Variants in RTN1 observed in about 807,000 individuals in gnomAD.
RTN1 encodes the protein reticulon 1.
RTN1 carries 25 observed loss-of-function variants against 65.5 expected under a neutral mutation model. The observed-to-expected ratio is 0.38, with a 90% CI of 0.28 to 0.53. RTN1 has a LOEUF of 0.53. Ranked by LOEUF, RTN1 falls within the 20% of genes least tolerant of loss-of-function variation. RTN1 has a pLI of 0.79. For synonymous variants in RTN1, 471 were observed against 447.6 expected, an observed-to-expected ratio of 1.05 and a Z score of -0.66; for missense variants, 983 against 1,025.4, an observed-to-expected ratio of 0.96 and a Z score of 0.57.
intron 3 of RTN1, among the ~76,000 whole-genome samples, chr14:59,611,407 G>T (rs1881945207): frequency 6.6e-6 from 1 of 152,366 alleles, no homozygotes; most frequent in South Asian, 2.1e-4. Context: ...GTCCTGGGGA[G>T]ATGTCCTTTA....
In RTN1 at chr14:59,794,007, A is replaced by G. The variant is rs1000681776; in HGVS notation, c.242-47526T>C. On this transcript the variant is annotated intron_variant, in intron 1 of 8. Transcript: ENST00000267484. The surrounding 1 kb of genome is among the most constrained non-coding windows in gnomAD (Gnocchi z 5.1). The stretch of plus-strand genomic sequence containing the variant: ...ATTGTCTGGATGCCTCCTAGCACCC[A>G]TTACACTCCTCTCCCACTGAGTACC... Among the ~76,000 whole-genome samples, 4 of 152,050 alleles carry G rather than the reference A, an allele frequency of 2.6e-5. No homozygotes were observed. The highest frequency in any genetic ancestry group is 4.4e-5 in the Non-Finnish European group (3 of 68,010).
intron 1 of RTN1, among the ~76,000 whole-genome samples, chr14:59,862,893 C>A (rs943609716): frequency 1.3e-5 from 2 of 152,170 alleles, no homozygotes; most frequent in African/African-American, 4.8e-5. Flanking sequence ...CTCCTGCCTT[C>A]ACTCTGTTGA....
At chr14:59,807,886 ACC>A (rs1471402078) in intron 1 of RTN1, among the ~76,000 whole-genome samples, 2 of 152,168 alleles carry the variant, frequency 1.3e-5, no homozygotes, top group Non-Finnish European at 2.9e-5. Flanking sequence ...TTTCATTTAA[ACC>A]CTGTGGGTCC....
In RTN1 at chr14:59,727,855, A is replaced by G; in HGVS notation, c.1016-187T>C. 1.3e-6 allele frequency: 1 copy of G among 769,552 alleles called. No homozygotes were observed. The highest frequency in any genetic ancestry group is 2.0e-6 in the Non-Finnish European group (1 of 512,248). The allele number at this position is 769,552 out of a possible 1,614,324, so 47.7% of individuals were successfully genotyped here. The stretch of plus-strand genomic sequence containing the variant: ...TATGCTGGAAAGACAGGCCACCTGA[A>G]CTAAAAGGCTAATTACTGTTATGGC... On this transcript the variant is annotated intron_variant, in intron 2 of 8. Transcript: ENST00000267484. This position sits in a 1 kb window ranked among gnomAD's most constrained non-coding sequence, Gnocchi z 4.2.
intron 3 of RTN1, among the ~76,000 whole-genome samples, chr14:59,717,289 G>A (rs565054181): frequency 1.3e-5 from 2 of 152,190 alleles, no homozygotes; most frequent in African/African-American, 4.8e-5. Flanking sequence ...GTAAGAAAAT[G>A]AAGTGCCTGC....
rs192054726 is a variant in RTN1 at position 59,604,049 on chromosome 14, G to A, written c.2113-128C>T. On this transcript the variant is annotated intron_variant, in intron 5 of 8. Transcript: ENST00000267484. ...TCATGATTTCGATAGTCAATGAAAG[G>A]CGTTGAAAGCTCATCACAGAATCAA... 4 of 582,756 alleles carry A rather than the reference G, an allele frequency of 6.9e-6. No homozygotes were observed. In the East Asian group the frequency reaches 1.3e-4, roughly 19 times the overall value. 36.1% of individuals were successfully genotyped at this position (582,756 alleles called of 1,614,324 possible).
chr14:59,804,428 C>T (rs1302043074), intron 1 of RTN1, among the ~76,000 whole-genome samples: 1 of 152,150 alleles, frequency 6.6e-6, no homozygotes. Context: ...TTCACTGCAA[C>T]ATTACTGATA....
At chr14:59,780,217 C>T (rs1399074111) in intron 1 of RTN1, among the ~76,000 whole-genome samples, 5 of 152,110 alleles carry the variant, frequency 3.3e-5, no homozygotes, top group African/African-American at 7.2e-5. Context: ...GACATATTTT[C>T]GGTGCCACAA....
chr14:59,667,231 T>C (rs1054787626), intron 3 of RTN1, among the ~76,000 whole-genome samples: 1 of 152,066 alleles, frequency 6.6e-6, no homozygotes, highest in Non-Finnish European at 1.5e-5. Context: ...GCAAACCAAA[T>C]CCAGCAGCAT....
Position 59,870,773 on chromosome 14 carries a change from C to T in RTN1, c.-143G>A. The T allele has an allele frequency of 1.1e-6, 1 of 892,168 alleles. No individual in the cohort carries two copies. Among genetic ancestry groups the T allele is most frequent in the Non-Finnish European group, 1.5e-6 (1 of 673,208 alleles). 55.3% of individuals were successfully genotyped at this position (892,168 alleles called of 1,614,324 possible). On this transcript the variant is annotated 5_prime_UTR_variant, in exon 1 of 9. Transcript: ENST00000267484. The surrounding 1 kb of genome is among the most constrained non-coding windows in gnomAD (Gnocchi z 5.1). ...CTCAGCGTCGCCGCCGCCTCTGCTG[C>T]AACTCCGCCGAGCCGCTGCCTGCCG...
At chr14:59,615,350 G>C (rs1882072700) in intron 3 of RTN1, among the ~76,000 whole-genome samples, 1 of 152,140 alleles carries the variant, frequency 6.6e-6, no homozygotes, top group Non-Finnish European at 1.5e-5. Flanking sequence ...TCGGGAGGCT[G>C]ACGCAGGAGA....
intron 1 of RTN1, among the ~76,000 whole-genome samples, chr14:59,830,384 C>T (rs1223747154): frequency 1.3e-5 from 2 of 152,166 alleles, no homozygotes; most frequent in Non-Finnish European, 2.9e-5. Flanking sequence ...CACTAGCATC[C>T]TTTCATAACG....
At chr14:59,769,124 T>C (rs892744318) in intron 1 of RTN1, among the ~76,000 whole-genome samples, 5 of 152,190 alleles carry the variant, frequency 3.3e-5, no homozygotes, top group Non-Finnish European at 5.9e-5. Flanking sequence ...CATTATGTTA[T>C]ACTGCTTGAT....
At chr14:59,655,499 G>C (rs1483754125) in intron 3 of RTN1, among the ~76,000 whole-genome samples, 1 of 152,164 alleles carries the variant, frequency 6.6e-6, no homozygotes, top group Non-Finnish European at 1.5e-5. Flanking sequence ...AGATGCAAGG[G>C]ACTCAGAATA....
intron 1 of RTN1, among the ~76,000 whole-genome samples, chr14:59,860,729 G>A (rs964818361): frequency 1.1e-4 from 17 of 152,290 alleles, no homozygotes; most frequent in African/African-American, 3.8e-4. Context: ...TCCTGCATCA[G>A]TGTGACCTGG....
intron 1 of RTN1, among the ~76,000 whole-genome samples, chr14:59,747,319 G>A (rs1254860186): frequency 4.6e-5 from 7 of 152,304 alleles, no homozygotes; most frequent in African/African-American, 1.4e-4. Flanking sequence ...TTCATTAATA[G>A]TGGGCATAGG....
At chr14:59,717,915 C>T (rs1042217105) in intron 3 of RTN1, among the ~76,000 whole-genome samples, 3 of 152,136 alleles carry the variant, frequency 2.0e-5, no homozygotes, top group Non-Finnish European at 4.4e-5. Context: ...AGTTCTCTGC[C>T]TACAATTAAC....
intron 3 of RTN1, among the ~76,000 whole-genome samples, chr14:59,695,768 C>G (rs956543577): frequency 1.3e-5 from 2 of 151,910 alleles, no homozygotes; most frequent in Non-Finnish European, 1.5e-5. Context: ...TATTATCTGA[C>G]TTTATTAATC....
chr14:59,619,033 T>C (rs546169207), intron 3 of RTN1, among the ~76,000 whole-genome samples: 47 of 152,290 alleles, frequency 3.1e-4, no homozygotes, highest in Middle Eastern at 3.4e-3. Flanking sequence ...AAGGAAGAGA[T>C]AGTACTAGAA....
Sources: gnomAD v4.1 joint callset for allele counts (sites outside exome capture counted in the v4.1 genomes callset) on GRCh38, gnomAD v4.1.1 for gene constraint, Gnocchi (gnomAD v3.1) non-coding constraint, MANE v1.5 for transcripts, NCBI Gene and HGNC (gene_info 2026-07-23, HGNC 2026-07-21) for gene names.